FRRS1: variants seen among roughly 807,000 people sequenced by gnomAD.
FRRS1 encodes the protein ferric chelate reductase 1.
A neutral mutation model predicts 70.7 loss-of-function variants in FRRS1; 51 were observed. The observed-to-expected ratio is 0.72, with a 90% CI of 0.58 to 0.91. The LOEUF is 0.91. Ranked by LOEUF, FRRS1 falls within the 40% of genes least tolerant of loss-of-function variation. The pLI is 0.00. For missense variants in FRRS1, 672 were observed against 726.0 expected (o/e 0.93, Z 0.86); for synonymous variants, 225 against 238.7 (o/e 0.94, Z 0.53).
Position 99,718,456 on chromosome 1 carries a change from G to A in FRRS1, c.1121-931C>T, listed in dbSNP as rs188177237. On this transcript the variant is annotated intron_variant, in intron 10 of 16. Transcript: ENST00000646001. The stretch of plus-strand genomic sequence containing the variant: ...AAATTCTCCTGCCTCAGCCTCCCAA[G>A]TAGCTGGGACTACAGGCGTACACCA... Among the ~76,000 whole-genome samples the A allele has an allele frequency of 3.1e-3, 477 of 152,258 alleles. 2 individuals are homozygous for A. The highest frequency in any genetic ancestry group is 0.011 in the African/African-American group (458 of 41,548).
chr1:99,747,811 AC>A (rs1195137351), intron 3 of FRRS1: 2 of 157,686 alleles, frequency 1.3e-5, no homozygotes, highest in African/African-American at 4.8e-5. Flanking sequence ...CTATAAACAA[AC>A]CTACACATGT....
In FRRS1 at chr1:99,706,051, C is replaced by T. The variant is rs1654028596; in HGVS notation, c.*2977G>A. 6.6e-6 allele frequency among the ~76,000 whole-genome samples: 1 copy of T among 151,870 alleles called. No individual in the cohort carries two copies. The highest frequency in any genetic ancestry group is 1.5e-5 in the Non-Finnish European group (1 of 67,966). On this transcript the variant is annotated 3_prime_UTR_variant, in exon 17 of 17. Transcript: ENST00000646001. ...TTTGCAATTTGTGGATACCAACCAC[C>T]CATAAGCAGAAGAAGAATAATTTGG...
At chr1:99,750,563 G>A (rs1656520960) in intron 1 of FRRS1, among the ~76,000 whole-genome samples, 1 of 151,954 alleles carries the variant, frequency 6.6e-6, no homozygotes, top group South Asian at 2.1e-4. Context: ...AAATGCTAGA[G>A]ATCAAAAACA....
At chr1:99,730,066 A>T (rs925719830) in intron 7 of FRRS1, among the ~76,000 whole-genome samples, 1 of 152,134 alleles carries the variant, frequency 6.6e-6, no homozygotes, top group Non-Finnish European at 1.5e-5. Context: ...ATTCATCCAA[A>T]CCTATTTGTA....
chr1:99,725,103 C>T (rs1655017826), intron 9 of FRRS1, among the ~76,000 whole-genome samples: 1 of 152,046 alleles, frequency 6.6e-6, no homozygotes, highest in South Asian at 2.1e-4. Context: ...TCATAAGGAG[C>T]ACACAACCTA....
chr1:99,738,745 G>A (rs1020763751), intron 6 of FRRS1, among the ~76,000 whole-genome samples: 4 of 152,118 alleles, frequency 2.6e-5, no homozygotes, highest in African/African-American at 9.7e-5. Context: ...TTATATTTAG[G>A]TTGTGGATTC....
intron 7 of FRRS1, among the ~76,000 whole-genome samples, chr1:99,737,311 C>G (rs1303763063): frequency 1.3e-5 from 2 of 152,110 alleles, no homozygotes; most frequent in African/African-American, 2.4e-5. Context: ...GACAAAGGAG[C>G]CTACTGTAAT....
chr1:99,741,683 A>G (rs755907257), intron 5 of FRRS1, among the ~76,000 whole-genome samples: 2 of 152,200 alleles, frequency 1.3e-5, no homozygotes, highest in Non-Finnish European at 2.9e-5. Context: ...TCCAAATTTC[A>G]AGACTTTCAT....
intron 8 of FRRS1, 39 bp downstream of exon 8, chr1:99,729,611 G>A (rs530412904): frequency 2.1e-5 from 26 of 1,265,218 alleles, no homozygotes; most frequent in African/African-American, 8.8e-5. Context: ...GCCGGAAAGC[G>A]GGTCTCCAGG....
intron 4 of FRRS1, among the ~76,000 whole-genome samples, chr1:99,745,963 A>G (rs1037398414): frequency 6.6e-6 from 1 of 150,958 alleles, no homozygotes; most frequent in Admixed American, 6.6e-5. Context: ...GCCATGAGTA[A>G]AAGGCCATGA....
chr1:99,758,583 G>A (rs1467087449), intron 1 of FRRS1, among the ~76,000 whole-genome samples: 1 of 146,560 alleles, frequency 6.8e-6, no homozygotes, highest in African/African-American at 2.7e-5. Context: ...TGATAACTGT[G>A]TTAACTGTAC....
At chr1:99,750,877 A>T (rs1480414937) in intron 1 of FRRS1, among the ~76,000 whole-genome samples, 1 of 152,190 alleles carries the variant, frequency 6.6e-6, no homozygotes, top group Non-Finnish European at 1.5e-5. Flanking sequence ...AATAATAAAT[A>T]AAAAACTACA....
chr1:99,747,053 T>C, intron 4 of FRRS1, among the ~76,000 whole-genome samples: 1 of 152,226 alleles, frequency 6.6e-6, no homozygotes, highest in East Asian at 1.9e-4. Context: ...TCTTATTTTC[T>C]TAATAAGATT....
chr1:99,750,806 T>G (rs1312510185), intron 1 of FRRS1, among the ~76,000 whole-genome samples: 2 of 152,104 alleles, frequency 1.3e-5, no homozygotes, highest in Non-Finnish European at 2.9e-5. Flanking sequence ...GAAAAAATTA[T>G]GACTGAGAAT....
At position 99,707,670 on chromosome 1, in the gene FRRS1, C is replaced by G. The variant is rs1463929528; in HGVS notation, c.*1358G>C. ...GGGAAATGCCATCCGGTAATGTTAC[C>G]TAAATACTAGAAAGGAATCAGCACA... On this transcript the variant is annotated 3_prime_UTR_variant, in exon 17 of 17. Transcript: ENST00000646001. 6.6e-6 allele frequency among the ~76,000 whole-genome samples: 1 copy of G among 152,106 alleles called. No homozygotes were observed. The highest frequency in any genetic ancestry group is 1.5e-5 in the Non-Finnish European group (1 of 68,018).
Position 99,715,583 on chromosome 1 carries a change from T to C in FRRS1, c.1323+3A>G. 6.3e-7 allele frequency: 1 copy of C among 1,576,464 alleles called. No individual in the cohort carries two copies. The highest frequency in any genetic ancestry group is 8.7e-7 in the Non-Finnish European group (1 of 1,146,074). On this transcript the variant is annotated splice_donor_region_variant and intron_variant, in intron 12 of 16. Transcript: ENST00000646001. ...AAAAAAACCCTATTTAAGATATACT[T>C]ACCCTACTCCAGCCTCCCCTGTATA...
At chr1:99,725,882 A>C (rs1262646864) in intron 9 of FRRS1, among the ~76,000 whole-genome samples, 1 of 152,256 alleles carries the variant, frequency 6.6e-6, no homozygotes, top group African/African-American at 2.4e-5. Context: ...TTTCCTCTAA[A>C]GTATAATTTT....
intron 1 of FRRS1, among the ~76,000 whole-genome samples, chr1:99,758,731 A>G (rs1171274257): frequency 2.0e-5 from 3 of 150,134 alleles, no homozygotes; most frequent in Admixed American, 2.0e-4. Context: ...AAAAAAAGCC[A>G]TATTTTTCTT....
chr1:99,754,507 A>G (rs61632259), intron 1 of FRRS1, among the ~76,000 whole-genome samples: 5,409 of 149,500 alleles, frequency 0.036, 330 homozygotes, highest in African/African-American at 0.12. Flanking sequence ...GAGAGAGAGA[A>G]AGAGAGAGAG....
Sources: allele counts gnomAD v4.1 joint callset (sites outside exome capture counted in the v4.1 genomes callset), GRCh38; gene constraint gnomAD v4.1.1; transcripts MANE v1.5; gene names NCBI Gene and HGNC (gene_info 2026-07-23, HGNC 2026-07-21).